The following SLC24A2 variants were observed in gnomAD, a reference collection of about 807,000 sequenced individuals.
SLC24A2 encodes solute carrier family 24 member 2, also known as sodium/potassium/calcium exchanger 2.
In SLC24A2, 36 loss-of-function variants were observed where a neutral mutation model predicts 62.0. The ratio of observed to expected loss-of-function variants is 0.58; its 90% CI spans 0.44 to 0.77. The LOEUF is 0.77. Among genes scored for constraint, SLC24A2 ranks in the 30% least tolerant of loss-of-function variants. SLC24A2 has a pLI of 0.00. For synonymous variants in SLC24A2, 358 were observed against 294.0 expected (o/e 1.22, Z -2.23); for missense variants, 846 against 817.9 (o/e 1.03, Z -0.42).
the SLC24A2 span, among the ~76,000 whole-genome samples, chr9:19,804,477 A>G: frequency 1.3e-5 from 2 of 152,146 alleles, no homozygotes; most frequent in African/African-American, 4.8e-5. Flanking sequence ...ATATAGAAAT[A>G]TAATTGACGT....
chr9:19,543,166 T>G (rs1834364580), intron 8 of SLC24A2, among the ~76,000 whole-genome samples: 1 of 152,190 alleles, frequency 6.6e-6, no homozygotes, highest in Non-Finnish European at 1.5e-5. Flanking sequence ...GGAGGGTGTA[T>G]GTGTCCAGGA....
the SLC24A2 span, among the ~76,000 whole-genome samples, chr9:20,089,538 C>T: frequency 6.6e-6 from 1 of 152,160 alleles, no homozygotes; most frequent in South Asian, 2.1e-4. Flanking sequence ...AGCCCCTCTT[C>T]CCTGGGAACC....
chr9:19,947,828 G>GAAAGAAAGAAAGAAAGAAAA, the SLC24A2 span, among the ~76,000 whole-genome samples: 1 of 141,568 alleles, frequency 7.1e-6, no homozygotes, highest in Non-Finnish European at 1.6e-5. Context: ...AAGAAAGAAA[G>GAAAGAAAGAAAGAAAGAAAA]AAAGAAAGAA....
At chr9:19,548,756 A>G (rs1266068305) in intron 8 of SLC24A2, among the ~76,000 whole-genome samples, 1 of 152,194 alleles carries the variant, frequency 6.6e-6, no homozygotes, top group African/African-American at 2.4e-5. Context: ...TTTGAGAGTC[A>G]GCCCCTGCAG....
At chr9:19,772,831 TA>T (rs1411634377) in intron 2 of SLC24A2, among the ~76,000 whole-genome samples, 2 of 152,324 alleles carry the variant, frequency 1.3e-5, no homozygotes, top group African/African-American at 4.8e-5. Context: ...CCAGCAATTC[TA>T]CTCATAAGCA....
chr9:20,120,207 G>C, the SLC24A2 span, among the ~76,000 whole-genome samples: 1 of 151,764 alleles, frequency 6.6e-6, no homozygotes, highest in Non-Finnish European at 1.5e-5. Context: ...ACTTTGATTG[G>C]GTAAATGTAT....
the SLC24A2 span, among the ~76,000 whole-genome samples, chr9:20,156,306 A>G: frequency 6.6e-6 from 1 of 151,768 alleles, no homozygotes; most frequent in South Asian, 2.1e-4. Context: ...TCTTGACACT[A>G]TATTCCTTCT....
intron 2 of SLC24A2, among the ~76,000 whole-genome samples, chr9:19,746,860 T>A (rs1821847204): frequency 1.3e-5 from 2 of 151,964 alleles, no homozygotes; most frequent in Non-Finnish European, 2.9e-5. Flanking sequence ...CTTTTGGGGG[T>A]TCTTATAGGA....
chr9:19,681,627 C>T lies in SLC24A2; in HGVS notation c.931-59328G>A, dbSNP rs569575067. 2.6e-5 allele frequency among the ~76,000 whole-genome samples: 4 copies of T among 152,262 alleles called. No homozygotes were observed. In the South Asian group the frequency reaches 6.2e-4, roughly 24 times the overall value. ...GGTCTCCCTGGGATTTCCATGTCTC[C>T]ATCTTCTTTGCCCCTGGTTCATACT... On this transcript the variant is annotated intron_variant, in intron 2 of 10. Transcript: ENST00000341998.
the SLC24A2 span, among the ~76,000 whole-genome samples, chr9:19,909,994 A>G: frequency 4.6e-5 from 7 of 152,212 alleles, no homozygotes; most frequent in Admixed American, 3.3e-4. Context: ...ACTCAAAATA[A>G]TATTTATTGA....
the SLC24A2 span, among the ~76,000 whole-genome samples, chr9:20,121,660 C>T: frequency 6.6e-6 from 1 of 152,070 alleles, no homozygotes; most frequent in African/African-American, 2.4e-5. Flanking sequence ...AAATTTATAA[C>T]TCAGTGGTTC....
At chr9:19,709,879 AC>A (rs1204844010) in intron 2 of SLC24A2, among the ~76,000 whole-genome samples, 1 of 152,082 alleles carries the variant, frequency 6.6e-6, no homozygotes, top group Non-Finnish European at 1.5e-5. Flanking sequence ...GTGCACATGT[AC>A]CCTAAAGCTT....
At chr9:19,785,517 A>C (rs1823138167) in intron 2 of SLC24A2, among the ~76,000 whole-genome samples, 1 of 152,216 alleles carries the variant, frequency 6.6e-6, no homozygotes, top group African/African-American at 2.4e-5. Flanking sequence ...ATCTCTAAAG[A>C]GATGGTTCTT....
the SLC24A2 span, among the ~76,000 whole-genome samples, chr9:20,227,943 G>T: frequency 1.3e-5 from 2 of 152,204 alleles, no homozygotes; most frequent in East Asian, 3.9e-4. Context: ...TTTCAGTTTA[G>T]CTTCTTGGAG....
chr9:20,141,696 G>A, the SLC24A2 span, among the ~76,000 whole-genome samples: 1 of 151,822 alleles, frequency 6.6e-6, no homozygotes, highest in Non-Finnish European at 1.5e-5. Context: ...TAGAAACGAC[G>A]CTACTGCAGG....
chr9:19,718,313 G>C (rs12378295), intron 2 of SLC24A2, among the ~76,000 whole-genome samples: 12 of 16,916 alleles, frequency 7.1e-4, no homozygotes, highest in African/African-American at 3.4e-3. Context: ...TTTTTTTTTA[G>C]ACAGGGTCTG....
chr9:20,019,293 A>AAGAAAGAAAGAAAGAG, the SLC24A2 span, among the ~76,000 whole-genome samples: 1 of 150,712 alleles, frequency 6.6e-6, no homozygotes, highest in East Asian at 1.9e-4. Flanking sequence ...GAAAGAAAGA[A>AAGAAAGAAAGAAAGAG]AGAAAGAAAG....
At chr9:20,102,875 C>A in the SLC24A2 span, among the ~76,000 whole-genome samples, 4 of 151,816 alleles carry the variant, frequency 2.6e-5, no homozygotes, top group East Asian at 7.8e-4. Context: ...CACCGTGCGC[C>A]AGCAGAAGCA....
intron 4 of SLC24A2, among the ~76,000 whole-genome samples, chr9:19,601,092 T>C (rs1241829580): frequency 1.3e-5 from 2 of 152,052 alleles, no homozygotes; most frequent in Non-Finnish European, 2.9e-5. Flanking sequence ...CAGCACTCTG[T>C]AGCTAGCAAG....
Sources: allele counts gnomAD v4.1 joint callset (sites outside exome capture counted in the v4.1 genomes callset), GRCh38; gene constraint gnomAD v4.1.1; transcripts MANE v1.5; gene names NCBI Gene and HGNC (gene_info 2026-07-23, HGNC 2026-07-21).